FAM120A: variants seen among roughly 807,000 people sequenced by gnomAD.
FAM120A encodes family with sequence similarity 120 member A.
Under a neutral mutation model 109.7 loss-of-function variants are expected in FAM120A, and 15 were observed. The ratio of observed to expected loss-of-function variants is 0.14; its 90% CI spans 0.09 to 0.21. FAM120A has a LOEUF of 0.21. FAM120A is among the 10% of genes least tolerant of loss of function. The probability of loss-of-function intolerance (pLI) is 1.00; values close to 1 mark genes in which losing one functional copy is unlikely to be tolerated. For synonymous variants in FAM120A, 493 were observed against 572.8 expected, an observed-to-expected ratio of 0.86 and a Z score of 1.99; for missense variants, 899 against 1,439.3, an observed-to-expected ratio of 0.62 and a Z score of 6.07.
chr9:93,458,453 T>TC (rs1341968199), intron 1 of FAM120A, among the ~76,000 whole-genome samples: 1 of 152,020 alleles, frequency 6.6e-6, no homozygotes, highest in Non-Finnish European at 1.5e-5. Flanking sequence ...CAGCATCCCA[T>TC]CCTCCCAGTC....
chr9:93,532,565 A>C lies in FAM120A; in HGVS notation c.1909+236A>C, dbSNP rs1263373381. The stretch of plus-strand genomic sequence containing the variant: ...ATGATGTTTATTCAGTAAAATAATA[A>C]AACAGGTTTACACTTTAAAGTGAAT... On this transcript the variant is annotated intron_variant, in intron 10 of 17. Coordinates refer to ENST00000277165, the MANE Select transcript of FAM120A (RefSeq NM_014612.5). The surrounding 1 kb of genome is among the most constrained non-coding windows in gnomAD (Gnocchi z 4.3). The C allele has an allele frequency of 3.8e-6, 2 of 522,246 alleles. No homozygotes were observed. The highest frequency in any genetic ancestry group is 6.9e-6 in the Non-Finnish European group (2 of 289,962). 32.4% of individuals were successfully genotyped at this position (522,246 alleles called of 1,614,324 possible). A position where few individuals can be genotyped will look rare whatever the true frequency, so the allele number is the denominator to read the frequency against.
intron 4 of FAM120A, among the ~76,000 whole-genome samples, chr9:93,497,821 C>T (rs1260760416): frequency 6.6e-6 from 1 of 152,154 alleles, no homozygotes; most frequent in Admixed American, 6.5e-5. Context: ...AGCCACTTCA[C>T]CCAGCTTTTC....
At chr9:93,458,440 T>C (rs533601635) in intron 1 of FAM120A, among the ~76,000 whole-genome samples, 47 of 152,266 alleles carry the variant, frequency 3.1e-4, no homozygotes, top group African/African-American at 1.1e-3. Flanking sequence ...ATGCTTGGTA[T>C]TCCAGCATCC....
chr9:93,526,444 G>T (rs1242303245), intron 7 of FAM120A, among the ~76,000 whole-genome samples: 1 of 152,124 alleles, frequency 6.6e-6, no homozygotes, highest in African/African-American at 2.4e-5. Flanking sequence ...ATGGGTAACA[G>T]CACAGTTACC....
intron 1 of FAM120A, among the ~76,000 whole-genome samples, chr9:93,460,266 G>A (rs1388057394): frequency 6.6e-6 from 1 of 152,088 alleles, no homozygotes; most frequent in African/African-American, 2.4e-5. Flanking sequence ...AATAAAACAG[G>A]CATTTAAATG....
intron 5 of FAM120A, among the ~76,000 whole-genome samples, chr9:93,507,824 A>G (rs1860134971): frequency 6.6e-6 from 1 of 152,128 alleles, no homozygotes; most frequent in African/African-American, 2.4e-5. Context: ...GAGGCAGTGG[A>G]TCCTAGGAAA....
At chr9:93,511,296 C>G (rs565070671) in intron 5 of FAM120A, among the ~76,000 whole-genome samples, 2 of 152,350 alleles carry the variant, frequency 1.3e-5, no homozygotes, top group East Asian at 3.9e-4. Flanking sequence ...CGGCCTCTGG[C>G]TCTTCCCTTG....
intron 1 of FAM120A, chr9:93,453,706 T>C: frequency 1.2e-6 from 1 of 859,142 alleles, no homozygotes; most frequent in Non-Finnish European, 1.4e-6. Flanking sequence ...ACAGCTGCCA[T>C]TCCTCAGGGA....
chr9:93,533,574 T>A (rs1861409721), intron 10 of FAM120A, among the ~76,000 whole-genome samples: 1 of 152,234 alleles, frequency 6.6e-6, no homozygotes, highest in Non-Finnish European at 1.5e-5. Context: ...TGTACCTGTT[T>A]TCATTCTTTT....
intron 10 of FAM120A, among the ~76,000 whole-genome samples, chr9:93,535,291 G>A (rs1588892055): frequency 6.6e-6 from 1 of 152,158 alleles, no homozygotes; most frequent in Admixed American, 6.5e-5. Flanking sequence ...CTTTGATTTT[G>A]ATATTCTGTA....
intron 10 of FAM120A, among the ~76,000 whole-genome samples, chr9:93,541,534 A>G (rs185482333): frequency 1.3e-5 from 2 of 152,362 alleles, no homozygotes; most frequent in East Asian, 1.9e-4. Flanking sequence ...ATAAAAACAA[A>G]TAAGCATGTA....
At chr9:93,514,265 T>TTACCTCCA (rs1860467453) in intron 5 of FAM120A, among the ~76,000 whole-genome samples, 1 of 152,186 alleles carries the variant, frequency 6.6e-6, no homozygotes, top group South Asian at 2.1e-4. Flanking sequence ...TATGATCCAA[T>TTACCTCCA]TACCTCCACC....
intron 10 of FAM120A, among the ~76,000 whole-genome samples, chr9:93,536,828 A>G (rs1861536506): frequency 6.6e-6 from 1 of 152,198 alleles, no homozygotes; most frequent in Non-Finnish European, 1.5e-5. Flanking sequence ...CTGGCAGTTT[A>G]TTTTCCACGC....
intron 3 of FAM120A, among the ~76,000 whole-genome samples, chr9:93,488,307 C>T (rs1859157481): frequency 6.6e-6 from 1 of 152,164 alleles, no homozygotes; most frequent in Non-Finnish European, 1.5e-5. Flanking sequence ...CATAAGATTG[C>T]TTTTGTCAAG....
At chr9:93,455,018 C>A (rs181670481) in intron 1 of FAM120A, among the ~76,000 whole-genome samples, 3 of 152,324 alleles carry the variant, frequency 2.0e-5, no homozygotes, top group African/African-American at 7.2e-5. Flanking sequence ...ATTTATCATA[C>A]GATCCAGCAA....
At chr9:93,484,955 A>C (rs1373348774) in intron 3 of FAM120A, among the ~76,000 whole-genome samples, 1 of 152,206 alleles carries the variant, frequency 6.6e-6, no homozygotes, top group Non-Finnish European at 1.5e-5. Context: ...ACGAGTGTGT[A>C]AACATTTTCT....
At chr9:93,519,482 A>AT (rs2131423895) in intron 7 of FAM120A, among the ~76,000 whole-genome samples, 1 of 152,212 alleles carries the variant, frequency 6.6e-6, no homozygotes, top group African/African-American at 2.4e-5. Flanking sequence ...ACCTCAGGTG[A>AT]TCCCCCCACC....
Position 93,564,513 on chromosome 9 carries a change from G to T in FAM120A, c.3330G>T (p.Glu1110Asp), listed in dbSNP as rs765586236. The T allele has an allele frequency of 3.1e-6, 5 of 1,611,474 alleles. No homozygotes were observed. The East Asian group carries it at 1.1e-4, about 36-fold the overall frequency. The change falls in exon 18 of 18, where the codon GAG (glutamate) becomes GAT (aspartate). Residue 1110 changes from glutamate to aspartate, a missense_variant. Coordinates refer to ENST00000277165, the MANE Select transcript of FAM120A (RefSeq NM_014612.5). ...CTTGCCGCAGAGAAGCTGCTCTGGA[G>T]GCAGCTGTCTTAAATAAAGAAGAGT... ...DSACRREAAL[E>D]AAVLNKEE is the part of the protein sequence containing the mutation.
At chr9:93,481,320 T>C (rs1189730818) in intron 3 of FAM120A, among the ~76,000 whole-genome samples, 1 of 152,254 alleles carries the variant, frequency 6.6e-6, no homozygotes, top group African/African-American at 2.4e-5. Context: ...TTTTGTTGTT[T>C]TAATTTTTAA....
Sources: allele counts gnomAD v4.1 joint callset (sites outside exome capture counted in the v4.1 genomes callset), GRCh38; gene constraint gnomAD v4.1.1; non-coding constraint Gnocchi (gnomAD v3.1); transcripts MANE v1.5; gene names NCBI Gene and HGNC (gene_info 2026-07-23, HGNC 2026-07-21).